The following GDPD5 variants were observed in gnomAD, a reference collection of about 807,000 sequenced individuals.
GDPD5 encodes the protein glycerophosphodiester phosphodiesterase 2.
Under a neutral mutation model 75.1 loss-of-function variants are expected in GDPD5, and 48 were observed. The observed-to-expected ratio is 0.64, with a 90% CI of 0.51 to 0.81. The LOEUF (loss-of-function observed/expected upper bound fraction) is 0.81, where lower values mean the gene tolerates loss of function less well. Among genes scored for constraint, GDPD5 ranks in the 40% least tolerant of loss-of-function variants. The pLI is 0.00. For missense variants in GDPD5, 706 were observed against 822.6 expected, an observed-to-expected ratio of 0.86 and a Z score of 1.73; for synonymous variants, 336 against 339.0, an observed-to-expected ratio of 0.99 and a Z score of 0.10.
intron 6 of GDPD5, chr11:75,450,935 C>T (rs2135229757): frequency 6.5e-6 from 1 of 152,690 alleles, no homozygotes; most frequent in South Asian, 2.1e-4. Flanking sequence ...CGTCTCCCAT[C>T]TCCCTCCAAA....
At chr11:75,523,277 C>G (rs190501376) in intron 1 of GDPD5, among the ~76,000 whole-genome samples, 18 of 152,362 alleles carry the variant, frequency 1.2e-4, no homozygotes, top group African/African-American at 4.3e-4. Flanking sequence ...CCTGGTCTGT[C>G]TGATTTACCA....
chr11:75,510,725 C>A (rs1341957142), intron 1 of GDPD5, among the ~76,000 whole-genome samples: 1 of 151,130 alleles, frequency 6.6e-6, no homozygotes, highest in Non-Finnish European at 1.5e-5. Context: ...ACTGATGGAC[C>A]CCAGGAGGAA....
intron 1 of GDPD5, among the ~76,000 whole-genome samples, chr11:75,500,233 C>T (rs1446675318): frequency 6.6e-6 from 1 of 152,180 alleles, no homozygotes; most frequent in East Asian, 1.9e-4. Flanking sequence ...AGTGAGCAGG[C>T]CTGGGGCTCA....
In GDPD5 at chr11:75,441,666, C is replaced by A; in HGVS notation, c.1305G>T (p.Gln435His). ...GGCACCTGAGCTCCTGGCGGGACAC[C>A]TGAGTGTAGCGCAGGTTCAGCCGCT... The part of the protein sequence containing the change: ...HIQRLNLRYT[Q>H]VSRQELRDYA... Residue 435 changes from glutamine (Q) to histidine (H), a missense_variant, in exon 13 of 17, where the codon CAG becomes CAT. Coordinates refer to ENST00000336898, the MANE Select transcript of GDPD5 (RefSeq NM_030792.8). 6.3e-7 allele frequency: 1 copy of A among 1,593,722 alleles called. No individual in the cohort carries two copies.
At chr11:75,511,595 T>C (rs967525609) in intron 1 of GDPD5, among the ~76,000 whole-genome samples, 10 of 152,232 alleles carry the variant, frequency 6.6e-5, no homozygotes, top group African/African-American at 2.4e-4. Context: ...GTGGACTAGA[T>C]AGTGCGCCTG....
chr11:75,443,963 G>T (rs1157394965), intron 10 of GDPD5, among the ~76,000 whole-genome samples: 2 of 152,158 alleles, frequency 1.3e-5, no homozygotes, highest in Non-Finnish European at 2.9e-5. Context: ...TGACAGTTCT[G>T]CCCTTCTTCC....
At position 75,443,135 on chromosome 11, in the gene GDPD5, C is replaced by T. The variant is rs1168014164; in HGVS notation, c.948+1G>A. ...AAGATTGGGATCAGGTGCAGCCAGA[C>T]CTTCAGGAACCACTGGCCAGCGTTG... is the stretch of plus-strand genomic sequence containing the variant. On this transcript the variant is annotated splice_donor_variant, in intron 11 of 16. Coordinates refer to ENST00000336898, the MANE Select transcript of GDPD5 (RefSeq NM_030792.8). LOFTEE classifies it high-confidence loss of function. 1.3e-6 allele frequency: 2 copies of T among 1,599,482 alleles called. 1 individual carries two copies.
intron 3 of GDPD5, among the ~76,000 whole-genome samples, chr11:75,472,149 T>C (rs190438727): frequency 6.6e-6 from 1 of 152,176 alleles, no homozygotes; most frequent in East Asian, 1.9e-4. Context: ...CTGTAGGACA[T>C]AGATGTGTAC....
At chr11:75,493,890 C>T (rs1365286878) in intron 1 of GDPD5, among the ~76,000 whole-genome samples, 3 of 152,132 alleles carry the variant, frequency 2.0e-5, no homozygotes, top group Non-Finnish European at 2.9e-5. Context: ...CACAAAAATG[C>T]ACATGGTGGC....
At chr11:75,456,722 T>G in intron 6 of GDPD5, 35 bp downstream of exon 6, 1 of 1,610,582 alleles carries the variant, frequency 6.2e-7, no homozygotes, top group South Asian at 1.1e-5. Flanking sequence ...CAGCTTCCCT[T>G]GCTCTCTCCC....
intron 1 of GDPD5, among the ~76,000 whole-genome samples, chr11:75,511,082 G>A (rs937314814): frequency 6.6e-6 from 1 of 152,210 alleles, no homozygotes; most frequent in Non-Finnish European, 1.5e-5. Context: ...CCAAGTGCTG[G>A]CTCTGTTCCT....
At chr11:75,485,281 G>A (rs1304460459) in intron 2 of GDPD5, 1 of 152,174 alleles carries the variant, frequency 6.6e-6, no homozygotes, top group Non-Finnish European at 1.5e-5. Context: ...AAACCCCATA[G>A]AGTGTGCAAC....
chr11:75,500,981 G>A (rs1395753496), intron 1 of GDPD5, among the ~76,000 whole-genome samples: 1 of 152,222 alleles, frequency 6.6e-6, no homozygotes, highest in Non-Finnish European at 1.5e-5. Flanking sequence ...GCCCTGTACA[G>A]CCATCCATTC....
intron 9 of GDPD5, among the ~76,000 whole-genome samples, chr11:75,445,364 T>C (rs1029454987): frequency 6.6e-6 from 1 of 152,232 alleles, no homozygotes; most frequent in Non-Finnish European, 1.5e-5. Flanking sequence ...ACTTTGGGTA[T>C]ATTTCTCTGT....
chr11:75,493,334 C>T (rs899491545), intron 1 of GDPD5, among the ~76,000 whole-genome samples: 3 of 151,622 alleles, frequency 2.0e-5, no homozygotes, highest in East Asian at 1.9e-4. Flanking sequence ...CCTAAACATT[C>T]GCTCCTAACA....
chr11:75,480,416 A>C (rs745526180), intron 2 of GDPD5, among the ~76,000 whole-genome samples: 8 of 152,086 alleles, frequency 5.3e-5, no homozygotes, highest in Non-Finnish European at 7.4e-5. Context: ...GGTGTGCAGT[A>C]GTGCAATCAT....
intron 3 of GDPD5, among the ~76,000 whole-genome samples, chr11:75,468,311 G>A (rs1949571175): frequency 1.3e-5 from 2 of 152,286 alleles, no homozygotes; most frequent in Non-Finnish European, 2.9e-5. Context: ...CCCTTGCCCT[G>A]AGGCAGCGAG....
chr11:75,467,579 G>A (rs1475528441), intron 3 of GDPD5, among the ~76,000 whole-genome samples: 2 of 152,142 alleles, frequency 1.3e-5, no homozygotes, highest in African/African-American at 4.8e-5. Flanking sequence ...GGCTGAGGGA[G>A]CAGCTGGCTC....
chr11:75,523,915 C>A (rs576086002), intron 1 of GDPD5, among the ~76,000 whole-genome samples: 1 of 152,328 alleles, frequency 6.6e-6, no homozygotes, highest in East Asian at 1.9e-4. Flanking sequence ...CCCCTTGACT[C>A]CAGGGAGTTG....
Sources: gnomAD v4.1 joint callset for allele counts (sites outside exome capture counted in the v4.1 genomes callset) on GRCh38, gnomAD v4.1.1 for gene constraint, MANE v1.5 for transcripts, NCBI Gene and HGNC (gene_info 2026-07-23, HGNC 2026-07-21) for gene names.